The following FMN1 variants were observed in gnomAD, a reference collection of about 807,000 sequenced individuals.
FMN1 encodes the protein formin-1.
A neutral mutation model predicts 132.4 loss-of-function variants in FMN1; 110 were observed. The ratio of observed to expected loss-of-function variants is 0.83; its 90% confidence interval spans 0.71 to 0.97. FMN1 has a LOEUF of 0.97. FMN1 is among the 50% of genes least tolerant of loss of function. The pLI is 0.00. For missense variants in FMN1, 1,792 were observed against 1,705.3 expected (o/e 1.05, Z -0.90); for synonymous variants, 722 against 651.7 (o/e 1.11, Z -1.64).
At chr15:32,933,835 A>G (rs1433880303) in intron 9 of FMN1, among the ~76,000 whole-genome samples, 1 of 152,130 alleles carries the variant, frequency 6.6e-6, no homozygotes, top group African/African-American at 2.4e-5. Context: ...AACTCTTGGA[A>G]TATCTTTTTC....
At chr15:32,815,334 A>G (rs1473192005) in intron 17 of FMN1, among the ~76,000 whole-genome samples, 5 of 152,204 alleles carry the variant, frequency 3.3e-5, no homozygotes, top group Non-Finnish European at 4.4e-5. Flanking sequence ...CTAGATATTC[A>G]GCAAATCTAA....
intron 7 of FMN1, among the ~76,000 whole-genome samples, chr15:32,969,707 C>A (rs183042953): frequency 2.0e-5 from 3 of 152,098 alleles, no homozygotes; most frequent in Non-Finnish European, 4.4e-5. Context: ...CCTGAGCTCA[C>A]GGGAGATAAT....
Position 32,766,754 on chromosome 15 carries a change from C to T in FMN1, c.*7556G>A, listed in dbSNP as rs370758784. On this transcript the variant is annotated 3_prime_UTR_variant, in exon 21 of 21. Transcript: ENST00000616417. ...GGGTGTGAGAGGATGGAGGAGGGGC[C>T]AAGGGAGCTACTCAGTTGTCTATGA... The T allele has an allele frequency of 2.0e-5, 3 of 151,816 alleles. No individual in the cohort carries two copies. The highest frequency in any genetic ancestry group is 2.1e-4 in the South Asian group (1 of 4,800). 9.4% of individuals were successfully genotyped at this position (151,816 alleles called of 1,614,324 possible).
chr15:33,108,961 G>A (rs553821781), intron 4 of FMN1, among the ~76,000 whole-genome samples: 49 of 152,100 alleles, frequency 3.2e-4, no homozygotes, highest in Non-Finnish European at 5.6e-4. Context: ...TCAGTTACCA[G>A]GACAGAGAAG....
In FMN1 at chr15:33,072,243, C is replaced by A. The variant is rs2038027053; in HGVS notation, c.2044-7169G>T. ...TTCACCTATACAATATGTTTTCAAC[C>A]AAAAGAAGATGGAAAATGCAGTCTT... On this transcript the variant is annotated intron_variant, in intron 5 of 20. Coordinates refer to ENST00000616417, the MANE Select transcript of FMN1 (RefSeq NM_001277313.2). 2.0e-5 allele frequency among the ~76,000 whole-genome samples: 3 copies of A among 152,130 alleles called. No homozygotes were observed. The South Asian group carries it at 6.2e-4, about 32-fold the overall frequency.
At chr15:32,907,562 G>C (rs66919620) in intron 12 of FMN1, among the ~76,000 whole-genome samples, 23,853 of 152,028 alleles carry the variant, frequency 0.16, 2,472 homozygotes, top group Non-Finnish European at 0.23. Context: ...CCCGTTTCTA[G>C]AGGACCCAAG....
At chr15:33,102,668 A>G (rs532350171) in intron 4 of FMN1, among the ~76,000 whole-genome samples, 2 of 152,262 alleles carry the variant, frequency 1.3e-5, no homozygotes, top group East Asian at 1.9e-4. Context: ...CGTGGGTTAT[A>G]TATGACTCAT....
chr15:33,103,443 C>CTATAGGTGTTTATGTACTATA (rs2039368763), intron 4 of FMN1, among the ~76,000 whole-genome samples: 1 of 152,102 alleles, frequency 6.6e-6, no homozygotes, highest in South Asian at 2.1e-4. Context: ...AGTACATAAA[C>CTATAGGTGTTTATGTACTATA]ACTGGCTGTT....
At chr15:32,865,553 C>G (rs540317529) in intron 16 of FMN1, among the ~76,000 whole-genome samples, 1 of 152,140 alleles carries the variant, frequency 6.6e-6, no homozygotes, top group African/African-American at 2.4e-5. Context: ...AATAAAAGAC[C>G]TGGCCGGGCA....
At chr15:33,187,202 C>T (rs974961355) in intron 2 of FMN1, among the ~76,000 whole-genome samples, 4 of 152,058 alleles carry the variant, frequency 2.6e-5, no homozygotes, top group African/African-American at 9.7e-5. Flanking sequence ...TTTGCTTAAC[C>T]CCCACTAAGG....
chr15:32,965,358 C>T (rs2031104748), intron 8 of FMN1, among the ~76,000 whole-genome samples: 1 of 152,048 alleles, frequency 6.6e-6, no homozygotes, highest in African/African-American at 2.4e-5. Context: ...TGAGATTGTG[C>T]CACTGCACTC....
At chr15:33,162,408 G>A (rs1481149538) in intron 3 of FMN1, among the ~76,000 whole-genome samples, 1 of 150,798 alleles carries the variant, frequency 6.6e-6, no homozygotes, top group East Asian at 1.9e-4. Context: ...AGGTATCAAA[G>A]AACAAATCAG....
chr15:32,907,321 A>T (rs2060451310), intron 12 of FMN1, among the ~76,000 whole-genome samples: 1 of 151,408 alleles, frequency 6.6e-6, no homozygotes. Flanking sequence ...GTGATGGGAG[A>T]CAGTGACAGA....
At chr15:32,892,319 G>T (rs1026318016) in intron 15 of FMN1, among the ~76,000 whole-genome samples, 15 of 152,164 alleles carry the variant, frequency 9.9e-5, no homozygotes, top group Admixed American at 7.9e-4. Flanking sequence ...ATGATCATGT[G>T]ATTTCTGTTC....
intron 6 of FMN1, among the ~76,000 whole-genome samples, chr15:33,013,763 C>CA (rs1485817681): frequency 7.9e-5 from 12 of 152,114 alleles, no homozygotes; most frequent in Non-Finnish European, 1.3e-4. Context: ...GATAAATATC[C>CA]AAACCCTAAC....
chr15:33,137,453 G>A (rs1963820885), intron 4 of FMN1, among the ~76,000 whole-genome samples: 4 of 152,138 alleles, frequency 2.6e-5, no homozygotes, highest in Admixed American at 2.6e-4. Flanking sequence ...AGAGGAAAAA[G>A]GAAATCTGTA....
intron 10 of FMN1, among the ~76,000 whole-genome samples, chr15:32,915,217 T>C (rs1345753599): frequency 6.6e-6 from 1 of 152,162 alleles, no homozygotes; most frequent in Non-Finnish European, 1.5e-5. Flanking sequence ...TACATGTACA[T>C]AATCCCATGT....
At position 33,080,975 on chromosome 15, in the gene FMN1, T is replaced by C. The variant is rs77832626; in HGVS notation, c.2043+7824A>G. On this transcript the variant is annotated intron_variant, in intron 5 of 20. Transcript: ENST00000616417. ...CCCCACCCGGAGCTTGCTTCAAGGC[T>C]GCAGTTGAGCCCAAGATGATGAGAT... Among the ~76,000 whole-genome samples the C allele has an allele frequency of 7.3e-3, 1,109 of 152,098 alleles. 12 individuals carry two copies. Among genetic ancestry groups the C allele is most frequent in the African/African-American group, 0.024 (979 of 41,456 alleles).
intron 7 of FMN1, among the ~76,000 whole-genome samples, chr15:32,975,327 G>C (rs910956367): frequency 6.6e-6 from 1 of 152,264 alleles, no homozygotes; most frequent in South Asian, 2.1e-4. Context: ...ATCACACACT[G>C]CTTGCCTAGT....
Sources: gnomAD v4.1 joint callset for allele counts (sites outside exome capture counted in the v4.1 genomes callset) on GRCh38, gnomAD v4.1.1 for gene constraint, MANE v1.5 for transcripts, NCBI Gene and HGNC (gene_info 2026-07-23, HGNC 2026-07-21) for gene names.